Variants in CHRM3 observed in about 807,000 individuals in gnomAD.
CHRM3 encodes muscarinic acetylcholine receptor M3.
A neutral mutation model predicts 41.8 loss-of-function variants in CHRM3; 11 were observed. That is an observed-to-expected ratio of 0.26 (90% CI 0.17 to 0.44). The LOEUF (loss-of-function observed/expected upper bound fraction) is 0.44, where lower values mean the gene tolerates loss of function less well. Ranked by LOEUF, CHRM3 falls within the 20% of genes least tolerant of loss-of-function variation. The pLI is 1.00. For missense variants in CHRM3, 571 were observed against 745.4 expected (o/e 0.77, Z 2.72); for synonymous variants, 297 against 301.4 (o/e 0.99, Z 0.15).
chr1:239,396,460 A>C (rs1028129666), intron 1 of CHRM3, among the ~76,000 whole-genome samples: 2 of 152,058 alleles, frequency 1.3e-5, no homozygotes, highest in Non-Finnish European at 2.9e-5. Context: ...AATTATTAAA[A>C]ATCAGCTGGA....
At chr1:239,734,841 T>A (rs10925962) in intron 5 of CHRM3, among the ~76,000 whole-genome samples, 2 of 152,204 alleles carry the variant, frequency 1.3e-5, no homozygotes, top group African/African-American at 4.8e-5. Flanking sequence ...GGAACTTAGA[T>A]GAAATAAGAT....
chr1:239,890,565 A>G (rs1298144133), intron 6 of CHRM3, among the ~76,000 whole-genome samples: 2 of 152,118 alleles, frequency 1.3e-5, no homozygotes, highest in Non-Finnish European at 2.9e-5. Context: ...TATATGCCAT[A>G]TATTGAGGGA....
At position 239,478,937 on chromosome 1, in the gene CHRM3, C is replaced by T. The variant is rs150924246; in HGVS notation, c.-520-13772C>T. 5.9e-5 allele frequency among the ~76,000 whole-genome samples: 9 copies of T among 152,198 alleles called. 1 individual carries two copies. In the East Asian group the frequency reaches 1.7e-3, roughly 29 times the overall value. On this transcript the variant is annotated intron_variant, in intron 1 of 6. Transcript: ENST00000676153. ...CTGGCTCATGAATGTAATCCCAACA[C>T]TTTGGGAGGCTGAGGCGGGTAGATC...
intron 1 of CHRM3, among the ~76,000 whole-genome samples, chr1:239,391,773 A>G (rs1659054918): frequency 6.6e-6 from 1 of 152,208 alleles, no homozygotes; most frequent in Admixed American, 6.5e-5. Flanking sequence ...TTTGAGAAAA[A>G]CAATGGTGGC....
chr1:239,494,596 T>G lies in CHRM3; in HGVS notation c.-422+1789T>G, dbSNP rs555733950. On this transcript the variant is annotated intron_variant, in intron 2 of 6. Coordinates refer to ENST00000676153, the MANE Select transcript of CHRM3 (RefSeq NM_001375978.1). ...ACATGTGCAAGATGTGCAGGTCTAT[T>G]GCATAGTTGAATATATGCCCTGGTG... Among the ~76,000 whole-genome samples the G allele has an allele frequency of 5.3e-5, 8 of 152,284 alleles. No individual in the cohort carries two copies. In the East Asian group the frequency reaches 1.4e-3, roughly 26 times the overall value.
chr1:239,418,780 T>A (rs1661705209), intron 1 of CHRM3, among the ~76,000 whole-genome samples: 1 of 152,158 alleles, frequency 6.6e-6, no homozygotes, highest in African/African-American at 2.4e-5. Flanking sequence ...AAAGTATAAC[T>A]CCAGGGAAGG....
intron 5 of CHRM3, among the ~76,000 whole-genome samples, chr1:239,752,879 G>C (rs1490653315): frequency 6.6e-6 from 1 of 152,218 alleles, no homozygotes; most frequent in South Asian, 2.1e-4. Flanking sequence ...AGAAGAATTA[G>C]GGTCAGGGTT....
chr1:239,566,047 T>C (rs1245355873), intron 3 of CHRM3, among the ~76,000 whole-genome samples: 1 of 151,726 alleles, frequency 6.6e-6, no homozygotes, highest in Non-Finnish European at 1.5e-5. Context: ...CCAGAGTAGT[T>C]GGGACTACAG....
intron 2 of CHRM3, among the ~76,000 whole-genome samples, chr1:239,496,871 T>C (rs1443476323): frequency 2.0e-5 from 3 of 152,114 alleles, no homozygotes; most frequent in African/African-American, 7.2e-5. Context: ...GAAATCTCAC[T>C]TTCCCAGCCA....
At chr1:239,573,878 G>T (rs1174470484) in intron 3 of CHRM3, among the ~76,000 whole-genome samples, 1 of 152,086 alleles carries the variant, frequency 6.6e-6, no homozygotes, top group African/African-American at 2.4e-5. Flanking sequence ...TCTGGACCTT[G>T]TCTTCCACAC....
At chr1:239,698,906 G>C (rs1660430840) in intron 5 of CHRM3, among the ~76,000 whole-genome samples, 2 of 152,172 alleles carry the variant, frequency 1.3e-5, no homozygotes. Flanking sequence ...TTCTTGATGA[G>C]TTGACATGCA....
chr1:239,401,721 G>C (rs1418979958), intron 1 of CHRM3, among the ~76,000 whole-genome samples: 1 of 152,080 alleles, frequency 6.6e-6, no homozygotes, highest in South Asian at 2.1e-4. Context: ...TCGATCTCTT[G>C]ACCTCAGGCG....
chr1:239,770,380 C>CA (rs1020811028), intron 5 of CHRM3, among the ~76,000 whole-genome samples: 11 of 151,754 alleles, frequency 7.2e-5, no homozygotes, highest in East Asian at 1.9e-4. Flanking sequence ...GCAACAACAA[C>CA]AAAAAAATGG....
At chr1:239,411,775 T>C (rs949792039) in intron 1 of CHRM3, among the ~76,000 whole-genome samples, 1 of 150,858 alleles carries the variant, frequency 6.6e-6, no homozygotes, top group Non-Finnish European at 1.5e-5. Flanking sequence ...CTAATTGTTA[T>C]TTTTTACATT....
intron 6 of CHRM3, among the ~76,000 whole-genome samples, chr1:239,868,249 G>A (rs1676283066): frequency 6.6e-6 from 1 of 152,130 alleles, no homozygotes; most frequent in South Asian, 2.1e-4. Flanking sequence ...GTGGCCTCTC[G>A]TGACCTTCGG....
intron 3 of CHRM3, among the ~76,000 whole-genome samples, chr1:239,590,116 C>G (rs1004225422): frequency 6.6e-6 from 1 of 152,092 alleles, no homozygotes; most frequent in Admixed American, 6.6e-5. Flanking sequence ...CTTCATAGAT[C>G]ATCTAGTCTG....
intron 2 of CHRM3, among the ~76,000 whole-genome samples, chr1:239,537,818 T>C (rs1196525430): frequency 6.6e-6 from 1 of 152,222 alleles, no homozygotes; most frequent in Admixed American, 6.5e-5. Context: ...AAAATCATTC[T>C]TTTATTAATT....
intron 5 of CHRM3, among the ~76,000 whole-genome samples, chr1:239,780,348 T>C (rs764628953): frequency 6.6e-5 from 10 of 152,230 alleles, no homozygotes; most frequent in Admixed American, 6.5e-5. Flanking sequence ...TGGTATCCTG[T>C]TGTTTTACTT....
intron 5 of CHRM3, among the ~76,000 whole-genome samples, chr1:239,787,987 C>A (rs1347352746): frequency 6.6e-6 from 1 of 152,182 alleles, no homozygotes; most frequent in Non-Finnish European, 1.5e-5. Flanking sequence ...CCTGTAGTCT[C>A]AGCACTTTGG....
Sources: gnomAD v4.1 joint callset for allele counts (sites outside exome capture counted in the v4.1 genomes callset) on GRCh38, gnomAD v4.1.1 for gene constraint, MANE v1.5 for transcripts, NCBI Gene and HGNC (gene_info 2026-07-23, HGNC 2026-07-21) for gene names.